Variants in PCDH9 observed in about 807,000 individuals in gnomAD.
The protein encoded by PCDH9 is protocadherin-9.
PCDH9 carries 24 observed loss-of-function variants against 70.6 expected under a neutral mutation model. That is an observed-to-expected ratio of 0.34 (90% CI 0.25 to 0.48). PCDH9 has a LOEUF of 0.48. Ranked by LOEUF, PCDH9 falls within the 20% of genes least tolerant of loss-of-function variation. PCDH9 has a pLI of 0.99. For synonymous variants in PCDH9, 562 were observed against 558.5 expected (o/e 1.01, Z -0.09); for missense variants, 1,281 against 1,503.6 (o/e 0.85, Z 2.45).
intron 3 of PCDH9, among the ~76,000 whole-genome samples, chr13:66,889,938 G>A (rs2082068712): frequency 6.6e-6 from 1 of 152,112 alleles, no homozygotes. Context: ...ATATATTGGT[G>A]TATTGATTTT....
chr13:66,412,743 C>T (rs549356578), intron 4 of PCDH9, among the ~76,000 whole-genome samples: 1 of 152,222 alleles, frequency 6.6e-6, no homozygotes, highest in African/African-American at 2.4e-5. Context: ...TACCTTTAGT[C>T]GCTTGTATTT....
intron 3 of PCDH9, among the ~76,000 whole-genome samples, chr13:66,864,323 CA>C (rs1046336488): frequency 1.3e-5 from 2 of 152,086 alleles, no homozygotes; most frequent in Admixed American, 6.5e-5. Flanking sequence ...CAGAACCATT[CA>C]GTTCCTGAGG....
At chr13:66,607,721 A>G (rs1285927316) in intron 4 of PCDH9, among the ~76,000 whole-genome samples, 3 of 152,112 alleles carry the variant, frequency 2.0e-5, no homozygotes, top group African/African-American at 7.2e-5. Flanking sequence ...CATCTGCTAA[A>G]TAGAACACTG....
intron 4 of PCDH9, among the ~76,000 whole-genome samples, chr13:66,390,197 CT>C (rs1012217440): frequency 1.2e-4 from 19 of 152,156 alleles, no homozygotes; most frequent in Non-Finnish European, 1.9e-4. Flanking sequence ...ATTTACTTGC[CT>C]CTCAAACTCT....
At chr13:66,751,179 T>C (rs2079452303) in intron 3 of PCDH9, among the ~76,000 whole-genome samples, 1 of 152,138 alleles carries the variant, frequency 6.6e-6, no homozygotes, top group South Asian at 2.1e-4. Context: ...CCTTGCAAGT[T>C]CTGAAGCAGA....
At chr13:66,838,424 A>G (rs1254779575) in intron 3 of PCDH9, among the ~76,000 whole-genome samples, 1 of 152,132 alleles carries the variant, frequency 6.6e-6, no homozygotes, top group African/African-American at 2.4e-5. Context: ...ATAAGGTCTG[A>G]ATTGTCTATA....
chr13:66,560,172 T>C (rs1465128531), intron 4 of PCDH9, among the ~76,000 whole-genome samples: 2 of 152,056 alleles, frequency 1.3e-5, no homozygotes, highest in Admixed American at 1.3e-4. Flanking sequence ...CTTCACAGCA[T>C]GTGCCGGGTT....
intron 3 of PCDH9, among the ~76,000 whole-genome samples, chr13:66,781,790 T>C (rs563932927): frequency 2.6e-5 from 4 of 152,288 alleles, no homozygotes; most frequent in Admixed American, 2.0e-4. Context: ...ACTTCAATCA[T>C]GAAGCTGGCA....
Position 66,628,406 on chromosome 13 carries a change from A to T in PCDH9, c.3340+2804T>A, listed in dbSNP as rs527605434. 4.6e-5 allele frequency among the ~76,000 whole-genome samples: 7 copies of T among 152,356 alleles called. No individual in the cohort carries two copies. The East Asian group carries it at 1.3e-3, about 29-fold the overall frequency. On this transcript the variant is annotated intron_variant, in intron 4 of 4. Transcript: ENST00000377865. ...TTTTAACAATAAATTTCTCATAATAACTTTATACATTTGCCTTTAATTTAG... is the reference window on the plus strand; with the variant it reads ...TTTTAACAATAAATTTCTCATAATATCTTTATACATTTGCCTTTAATTTAG...
intron 3 of PCDH9, among the ~76,000 whole-genome samples, chr13:66,781,869 A>G (rs1007702405): frequency 1.5e-5 from 1 of 65,728 alleles, no homozygotes; most frequent in East Asian, 5.1e-4. Flanking sequence ...TCAGGAAGAA[A>G]TGGCTACATC....
chr13:66,731,022 C>A (rs889209110), intron 3 of PCDH9, among the ~76,000 whole-genome samples: 1 of 150,996 alleles, frequency 6.6e-6, no homozygotes, highest in Non-Finnish European at 1.5e-5. Context: ...CAGGCCCAGG[C>A]GTATAATATA....
intron 4 of PCDH9, chr13:66,630,753 A>G (rs1426563587): frequency 6.6e-6 from 1 of 152,216 alleles, no homozygotes; most frequent in Non-Finnish European, 1.5e-5. Flanking sequence ...CTGATAGACA[A>G]ATTCTAAAAT....
At chr13:67,194,124 C>T (rs1213617630) in intron 2 of PCDH9, among the ~76,000 whole-genome samples, 1 of 152,080 alleles carries the variant, frequency 6.6e-6, no homozygotes, top group African/African-American at 2.4e-5. Flanking sequence ...GGAATCTTAT[C>T]AGTCTTACTT....
At chr13:67,122,299 T>C (rs1371261420) in intron 2 of PCDH9, among the ~76,000 whole-genome samples, 1 of 152,108 alleles carries the variant, frequency 6.6e-6, no homozygotes, top group Non-Finnish European at 1.5e-5. Context: ...CAAAGTTATT[T>C]TGAATCATAA....
At chr13:66,470,089 T>C (rs1958588818) in intron 4 of PCDH9, among the ~76,000 whole-genome samples, 1 of 152,174 alleles carries the variant, frequency 6.6e-6, no homozygotes, top group Non-Finnish European at 1.5e-5. Flanking sequence ...AGGAATGATT[T>C]TGTTCTTGGT....
At chr13:66,842,698 T>C (rs1422772719) in intron 3 of PCDH9, among the ~76,000 whole-genome samples, 2 of 152,318 alleles carry the variant, frequency 1.3e-5, no homozygotes, top group East Asian at 1.9e-4. Context: ...TAACTGTTAA[T>C]CCTAAGATTT....
intron 4 of PCDH9, among the ~76,000 whole-genome samples, chr13:66,361,132 C>T (rs1346385278): frequency 6.6e-6 from 1 of 152,102 alleles, no homozygotes; most frequent in Non-Finnish European, 1.5e-5. Context: ...AAAAGCACCA[C>T]TGGCATCTAT....
At chr13:67,034,954 T>A (rs190774511) in intron 2 of PCDH9, among the ~76,000 whole-genome samples, 11 of 152,198 alleles carry the variant, frequency 7.2e-5, no homozygotes, top group African/African-American at 2.6e-4. Flanking sequence ...GATTGCTTTA[T>A]GAATATCATG....
intron 3 of PCDH9, among the ~76,000 whole-genome samples, chr13:66,689,885 T>C (rs927860960): frequency 3.9e-5 from 6 of 152,216 alleles, no homozygotes; most frequent in Non-Finnish European, 5.9e-5. Context: ...TTTTATTGAA[T>C]GTTTCTTGTC....
Sources: gnomAD v4.1 joint callset for allele counts (sites outside exome capture counted in the v4.1 genomes callset) on GRCh38, gnomAD v4.1.1 for gene constraint, MANE v1.5 for transcripts, NCBI Gene and HGNC (gene_info 2026-07-23, HGNC 2026-07-21) for gene names.